The following CREBBP variants were observed in gnomAD, a reference collection of about 807,000 sequenced individuals.
CREBBP encodes CREB binding lysine acetyltransferase, also known as CREB-binding protein.
A neutral mutation model predicts 265.0 loss-of-function variants in CREBBP; 19 were observed. That is an observed-to-expected ratio of 0.07 (90% CI 0.05 to 0.11). CREBBP has a LOEUF of 0.11. CREBBP is among the 10% of genes least tolerant of loss of function. CREBBP has a pLI of 1.00. For missense variants in CREBBP, 2,525 were observed against 3,219.0 expected, an observed-to-expected ratio of 0.78 and a Z score of 5.22; for synonymous variants, 1,457 against 1,223.7, an observed-to-expected ratio of 1.19 and a Z score of -3.98.
chr16:3,726,209 C>T lies in CREBBP; in HGVS notation c.*1509G>A, dbSNP rs1051680708. 2.6e-5 allele frequency: 6 copies of T among 230,920 alleles called. No individual in the cohort carries two copies. The highest frequency in any genetic ancestry group is 1.3e-4 in the African/African-American group (6 of 44,552). The allele number at this position is 230,920 out of a possible 1,614,324, so 14.3% of individuals were successfully genotyped here. On this transcript the variant is annotated 3_prime_UTR_variant, in exon 31 of 31. Transcript: ENST00000262367. ...GAAAGCACCTCGCGAGCCTGGAGCACTCTCTGCCTCAGATTCTGGGAGTCG... is the reference window on the plus strand; with the variant it reads ...GAAAGCACCTCGCGAGCCTGGAGCATTCTCTGCCTCAGATTCTGGGAGTCG...
rs114509566 is a variant in CREBBP, at chr16:3,873,579, G to A, written c.85+6253C>T. Among the ~76,000 whole-genome samples, 891 of 152,256 alleles carry A rather than the reference G, an allele frequency of 5.9e-3. 14 individuals are homozygous for A. Among genetic ancestry groups the A allele is most frequent in the African/African-American group, 0.021 (859 of 41,532 alleles). ...AGGTACGACAACGTCCCTGGTTAAC[G>A]CTAGTGTCAGTTCCCATTGGGCGGA... On this transcript the variant is annotated intron_variant, in intron 1 of 30. Transcript: ENST00000262367.
intron 10 of CREBBP, 34 bp downstream of exon 10, chr16:3,777,977 G>T: frequency 6.2e-7 from 1 of 1,609,548 alleles, no homozygotes; most frequent in Non-Finnish European, 8.5e-7. Flanking sequence ...AAGGAAACAG[G>T]CTAAGGGATG....
At chr16:3,730,827 G>C (rs1216722450) in intron 30 of CREBBP, among the ~76,000 whole-genome samples, 1 of 152,212 alleles carries the variant, frequency 6.6e-6, no homozygotes, top group Non-Finnish European at 1.5e-5. Context: ...CTAGAGGGGA[G>C]TGAGGGAGCA....
intron 11 of CREBBP, among the ~76,000 whole-genome samples, chr16:3,774,981 AAAC>A: frequency 6.6e-6 from 1 of 152,274 alleles, no homozygotes; most frequent in Non-Finnish European, 1.5e-5. Flanking sequence ...GTGAGACATT[AAAC>A]GAGGCTGTGG....
intron 28 of CREBBP, 146 bp downstream of exon 28, chr16:3,735,890 C>T (rs1265856917): frequency 5.5e-6 from 7 of 1,276,810 alleles, no homozygotes; most frequent in Non-Finnish European, 7.8e-6. Flanking sequence ...CCACCAACGC[C>T]CTGTGCTGCA....
chr16:3,837,621 AT>A (rs2054480598), intron 2 of CREBBP, among the ~76,000 whole-genome samples: 2 of 150,888 alleles, frequency 1.3e-5, no homozygotes, highest in South Asian at 2.1e-4. Context: ...CTCAAAAAAA[AT>A]AATAATAATA....
At position 3,727,765 on chromosome 16, in the gene CREBBP, C is replaced by T. The variant is rs761138453; in HGVS notation, c.7282G>A (p.Gly2428Arg). Residue 2428 changes from glycine to arginine, a missense_variant, in exon 31 of 31, where the codon GGG becomes AGG. Physicochemically the swap from Gly to Arg is moderately radical, Grantham distance 125. Transcript: ENST00000262367. Reference sequence around the variant, plus strand: ...TCTAGCGTGTCCCCCGTGGTGTCCCCGACCAGGGACAGTTCGCTGGACAGC... The same window carrying T: ...TCTAGCGTGTCCCCCGTGGTGTCCCTGACCAGGGACAGTTCGCTGGACAGC... The part of the protein sequence containing the change: ...SALSSELSLV[G>R]DTTGDTLEKF... 3.7e-6 allele frequency: 6 copies of T among 1,614,020 alleles called. No homozygotes were observed. Among genetic ancestry groups the T allele is most frequent in the East Asian group, 4.5e-5 (2 of 44,896 alleles).
At chr16:3,799,217 G>C (rs985572006) in intron 3 of CREBBP, among the ~76,000 whole-genome samples, 11 of 152,164 alleles carry the variant, frequency 7.2e-5, no homozygotes, top group African/African-American at 2.7e-4. Flanking sequence ...TCTCTTTGGA[G>C]TGGTGAAAAT....
At chr16:3,863,463 C>T (rs1181474259) in intron 1 of CREBBP, among the ~76,000 whole-genome samples, 1 of 152,012 alleles carries the variant, frequency 6.6e-6, no homozygotes, top group African/African-American at 2.4e-5. Flanking sequence ...ATTAGCTGAG[C>T]GTGGTGGTGG....
intron 3 of CREBBP, among the ~76,000 whole-genome samples, chr16:3,800,388 G>A (rs2053688619): frequency 6.6e-6 from 1 of 152,042 alleles, no homozygotes; most frequent in African/African-American, 2.4e-5. Context: ...CAAAGTGCTG[G>A]GATTATAGCT....
At chr16:3,829,884 T>A (rs1038167717) in intron 2 of CREBBP, among the ~76,000 whole-genome samples, 1 of 151,842 alleles carries the variant, frequency 6.6e-6, no homozygotes, top group South Asian at 2.1e-4. Flanking sequence ...GACAGAGATG[T>A]TGGAATTTGC....
At chr16:3,751,101 G>T (rs1249857894) in intron 20 of CREBBP, among the ~76,000 whole-genome samples, 1 of 151,936 alleles carries the variant, frequency 6.6e-6, no homozygotes, top group Non-Finnish European at 1.5e-5. Context: ...CCCCAAAATG[G>T]AACCACTAGG....
intron 15 of CREBBP, among the ~76,000 whole-genome samples, 187 bp downstream of exon 15, chr16:3,768,987 C>T (rs547305759): frequency 6.0e-4 from 92 of 152,284 alleles, no homozygotes; most frequent in Non-Finnish European, 1.2e-3. Flanking sequence ...ACCCACCCCT[C>T]ATATTTAAAA....
intron 2 of CREBBP, among the ~76,000 whole-genome samples, chr16:3,817,246 C>G (rs369075389): frequency 3.3e-5 from 5 of 152,208 alleles, no homozygotes; most frequent in Admixed American, 1.3e-4. Context: ...CCCACTCATG[C>G]CCTTACCCAG....
rs1015854406 is a variant in CREBBP at position 3,770,646 on chromosome 16, T to C, written c.2804A>G (p.Gln935Arg). The C allele has an allele frequency of 2.5e-6, 4 of 1,613,896 alleles. No homozygotes were observed. Among genetic ancestry groups the C allele is most frequent in the Non-Finnish European group, 1.7e-6 (2 of 1,180,032 alleles). Residue 935 changes from glutamine (Q) to arginine (R), a missense_variant, in exon 14 of 31, where the codon CAG becomes CGG. Around this residue, in one of 19 missense-constraint regions of CREBBP, gnomAD observed 548 missense variants for 533.0 expected, o/e 1.03. Coordinates refer to ENST00000262367, the MANE Select transcript of CREBBP (RefSeq NM_004380.3). ...QVTPQPQTPV[Q>R]PPSVATPQSS... ...CTGAGGGGTAGCCACAGACGGGGGCTGAACTGGGGTTTGAGGCTGCGGGGT... is the reference window on the plus strand; with the variant it reads ...CTGAGGGGTAGCCACAGACGGGGGCCGAACTGGGGTTTGAGGCTGCGGGGT...
rs546596803 is a variant in CREBBP at position 3,869,027 on chromosome 16, A to G, written c.85+10805T>C. The stretch of plus-strand genomic sequence containing the variant: ...CCTAAATTCTGGTAGCCCAGTGAAC[A>G]TAACCCAAAAACTGTCACAAGAGCC... On this transcript the variant is annotated intron_variant, in intron 1 of 30. Coordinates refer to ENST00000262367, the MANE Select transcript of CREBBP (RefSeq NM_004380.3). Among the ~76,000 whole-genome samples, 5 of 152,284 alleles carry G rather than the reference A, an allele frequency of 3.3e-5. No individual in the cohort carries two copies. The South Asian group carries it at 1.0e-3, about 32-fold the overall frequency.
intron 2 of CREBBP, among the ~76,000 whole-genome samples, chr16:3,846,654 T>C (rs2054673439): frequency 6.6e-6 from 1 of 152,186 alleles, no homozygotes; most frequent in East Asian, 1.9e-4. Flanking sequence ...ACGCGGAGCA[T>C]GGAAGAATTT....
rs774272248 is a variant in CREBBP at position 3,728,340 on chromosome 16, C to T, written c.6707G>A (p.Gly2236Glu). 4 of 1,612,382 alleles carry T rather than the reference C, an allele frequency of 2.5e-6. No homozygotes were observed. In the South Asian group the frequency reaches 4.4e-5, roughly 18 times the overall value. Reference protein sequence around the residue: ...AGHGQFQQPQGPGGYPPAMQQ... With the variant: ...AGHGQFQQPQEPGGYPPAMQQ... ...CATGGCCGGTGGGTAGCCTCCGGGT[C>T]CTTGAGGCTGCTGGAACTGGCCGTG... Residue 2236 changes from glycine to glutamate, a missense_variant, in exon 31 of 31, where the codon GGA (glycine) becomes GAA (glutamate). Gly to Glu is a moderately conservative substitution (Grantham distance 98). Transcript: ENST00000262367. The surrounding 1 kb of genome is among the most constrained non-coding windows in gnomAD (Gnocchi z 8.7).
chr16:3,786,388 T>C (rs1006785144), intron 5 of CREBBP, among the ~76,000 whole-genome samples: 2 of 152,070 alleles, frequency 1.3e-5, no homozygotes, highest in African/African-American at 4.8e-5. Flanking sequence ...AAAAGGAATG[T>C]TCCACTAAGA....
Sources: allele counts gnomAD v4.1 joint callset (sites outside exome capture counted in the v4.1 genomes callset), GRCh38; gene constraint gnomAD v4.1.1; regional missense constraint gnomAD v4.1.1; non-coding constraint Gnocchi (gnomAD v3.1); transcripts MANE v1.5; gene names NCBI Gene and HGNC (gene_info 2026-07-23, HGNC 2026-07-21).